ATAD2B: variants seen among roughly 807,000 people sequenced by gnomAD.
The protein encoded by ATAD2B is ATPase family AAA domain containing 2B.
A neutral mutation model predicts 167.6 loss-of-function variants in ATAD2B; 40 were observed. The ratio of observed to expected loss-of-function variants is 0.24; its 90% CI spans 0.19 to 0.31. ATAD2B has a LOEUF of 0.31. ATAD2B is among the 10% of genes least tolerant of loss of function. ATAD2B has a pLI of 1.00. For missense variants in ATAD2B, 1,242 were observed against 1,757.2 expected (o/e 0.71, Z 5.24); for synonymous variants, 579 against 596.5 (o/e 0.97, Z 0.43).
chr2:23,693,441 C>T, the ATAD2B span: 1 of 1,551,726 alleles, frequency 6.4e-7, no homozygotes, highest in Non-Finnish European at 8.7e-7. Flanking sequence ...CCTACGTCTC[C>T]AACGACAGCC....
At chr2:23,736,768 G>A in the ATAD2B span, among the ~76,000 whole-genome samples, 2 of 152,186 alleles carry the variant, frequency 1.3e-5, no homozygotes, top group Non-Finnish European at 2.9e-5. Flanking sequence ...GGAAGTGCAA[G>A]GGGTCAGGGA....
intron 7 of ATAD2B, among the ~76,000 whole-genome samples, chr2:23,876,296 T>C (rs1322951623): frequency 6.8e-6 from 1 of 148,024 alleles, no homozygotes; most frequent in Non-Finnish European, 1.5e-5. Flanking sequence ...CCAGCCCTGT[T>C]AACTTTTTTT....
intron 18 of ATAD2B, chr2:23,806,104 T>C (rs1558564171): frequency 1.3e-5 from 2 of 149,716 alleles, no homozygotes; most frequent in African/African-American, 4.9e-5. Flanking sequence ...TTCATATCTT[T>C]ATGTTTTCTA....
At chr2:23,700,345 A>G in the ATAD2B span, among the ~76,000 whole-genome samples, 1 of 152,250 alleles carries the variant, frequency 6.6e-6, no homozygotes, top group Non-Finnish European at 1.5e-5. This position sits in a 1 kb window ranked among gnomAD's most constrained non-coding sequence, Gnocchi z 4.6. Flanking sequence ...ACATATTAAA[A>G]ACAAAGGTAA....
chr2:23,833,408 T>C (rs1689388897), intron 14 of ATAD2B, among the ~76,000 whole-genome samples: 1 of 152,028 alleles, frequency 6.6e-6, no homozygotes, highest in South Asian at 2.1e-4. Flanking sequence ...AATTTGTATA[T>C]CATATAACAT....
At chr2:23,842,644 G>A (rs1224968677) in intron 13 of ATAD2B, among the ~76,000 whole-genome samples, 3 of 152,116 alleles carry the variant, frequency 2.0e-5, no homozygotes, top group African/African-American at 7.2e-5. Flanking sequence ...TAAGAGTCTA[G>A]AAAAGAGAAG....
chr2:23,723,218 AG>A, the ATAD2B span, among the ~76,000 whole-genome samples: 1 of 151,994 alleles, frequency 6.6e-6, no homozygotes, highest in African/African-American at 2.4e-5. Flanking sequence ...ACCTGAGGCC[AG>A]GAAGTCGAGA....
intron 14 of ATAD2B, among the ~76,000 whole-genome samples, 166 bp downstream of exon 14, chr2:23,833,753 T>C (rs781578586): frequency 2.6e-5 from 4 of 152,164 alleles, no homozygotes; most frequent in Non-Finnish European, 4.4e-5. Flanking sequence ...TAATTGTTAA[T>C]AGAAAAAAAC....
intron 20 of ATAD2B, among the ~76,000 whole-genome samples, chr2:23,787,141 C>T (rs911926441): frequency 2.6e-5 from 4 of 151,514 alleles, no homozygotes; most frequent in African/African-American, 9.7e-5. Flanking sequence ...ATGGTACTCA[C>T]TATCTATCCT....
chr2:23,682,316 ACCCTGAGG>A, the ATAD2B span, among the ~76,000 whole-genome samples: 1 of 151,968 alleles, frequency 6.6e-6, no homozygotes, highest in African/African-American at 2.4e-5. This position sits in a 1 kb window ranked among gnomAD's most constrained non-coding sequence, Gnocchi z 4.1. Flanking sequence ...ACAAGTGTGG[ACCCTGAGG>A]CTCTGAGGAT....
intron 13 of ATAD2B, among the ~76,000 whole-genome samples, chr2:23,836,295 A>G (rs1484588244): frequency 6.6e-6 from 1 of 152,180 alleles, no homozygotes; most frequent in African/African-American, 2.4e-5. Context: ...GCACACTGCA[A>G]GCAGCTTCCA....
the ATAD2B span, chr2:23,696,172 G>T: frequency 4.6e-6 from 7 of 1,534,962 alleles, no homozygotes; most frequent in Non-Finnish European, 6.2e-6. The surrounding 1 kb of genome is among the most constrained non-coding windows in gnomAD (Gnocchi z 5.5). Flanking sequence ...CAGGCATGGG[G>T]GTCCCAAGGG....
intron 5 of ATAD2B, 123 bp downstream of exon 5, chr2:23,885,604 T>G (rs1198188480): frequency 3.6e-6 from 2 of 548,702 alleles, no homozygotes; most frequent in Non-Finnish European, 6.3e-6. Context: ...CAAACTAAGT[T>G]GGAAATGAAG....
At chr2:23,906,777 G>C (rs1330951813) in intron 1 of ATAD2B, among the ~76,000 whole-genome samples, 2 of 151,904 alleles carry the variant, frequency 1.3e-5, no homozygotes, top group East Asian at 1.9e-4. Flanking sequence ...CCATGATCAA[G>C]TGGGCTTCAT....
chr2:23,733,865 C>A, the ATAD2B span, among the ~76,000 whole-genome samples: 1 of 152,198 alleles, frequency 6.6e-6, no homozygotes. Context: ...TATCTAAAGT[C>A]TTTACTGACC....
chr2:23,686,704 C>A, the ATAD2B span, among the ~76,000 whole-genome samples: 2 of 152,078 alleles, frequency 1.3e-5, no homozygotes, highest in African/African-American at 4.8e-5. Flanking sequence ...AGCAGCCTGA[C>A]GGACGCCCAG....
intron 7 of ATAD2B, among the ~76,000 whole-genome samples, chr2:23,877,147 C>A (rs961913582): frequency 1.3e-5 from 2 of 150,780 alleles, no homozygotes; most frequent in Admixed American, 6.6e-5. Context: ...TTTTTACAGG[C>A]TGGGCAGGGT....
the ATAD2B span, among the ~76,000 whole-genome samples, chr2:23,740,706 G>A: frequency 2.0e-5 from 3 of 152,098 alleles, no homozygotes; most frequent in Admixed American, 6.6e-5. Context: ...GGCCAGGGCA[G>A]TCAGGCAGGA....
intron 17 of ATAD2B, among the ~76,000 whole-genome samples, chr2:23,812,622 G>C (rs1685774952): frequency 6.6e-6 from 1 of 152,130 alleles, no homozygotes; most frequent in Non-Finnish European, 1.5e-5. Context: ...CAGCACTTTG[G>C]GAGACTGAGG....
Sources: allele counts gnomAD v4.1 joint callset (sites outside exome capture counted in the v4.1 genomes callset), GRCh38; gene constraint gnomAD v4.1.1; non-coding constraint Gnocchi (gnomAD v3.1); transcripts MANE v1.5; gene names NCBI Gene and HGNC (gene_info 2026-07-23, HGNC 2026-07-21).